Variants in GMFB observed in about 807,000 individuals in gnomAD.
GMFB encodes GMF-beta.
A neutral mutation model predicts 25.6 loss-of-function variants in GMFB; 13 were observed. The ratio of observed to expected loss-of-function variants is 0.51; its 90% CI spans 0.33 to 0.81. The LOEUF (loss-of-function observed/expected upper bound fraction) is 0.81, where lower values mean the gene tolerates loss of function less well. Ranked by LOEUF, GMFB falls within the 30% of genes least tolerant of loss-of-function variation. The probability of loss-of-function intolerance (pLI) is 0.02; values close to 1 mark genes in which losing one functional copy is unlikely to be tolerated. For missense variants in GMFB, 146 were observed against 175.4 expected, an observed-to-expected ratio of 0.83 and a Z score of 0.95; for synonymous variants, 57 against 56.9, an observed-to-expected ratio of 1.00 and a Z score of 0.00.
intron 1 of GMFB, among the ~76,000 whole-genome samples, chr14:54,487,309 A>T (rs2140037118): frequency 6.8e-6 from 1 of 147,176 alleles, no homozygotes; most frequent in East Asian, 2.1e-4. Context: ...AGGCAGGTGG[A>T]TCACGAGGTC....
chr14:54,487,663 A>G (rs2140037468), intron 1 of GMFB, among the ~76,000 whole-genome samples: 1 of 152,338 alleles, frequency 6.6e-6, no homozygotes, highest in Non-Finnish European at 1.5e-5. Flanking sequence ...CAATGGGCCG[A>G]GATCCCGCCA....
intron 1 of GMFB, among the ~76,000 whole-genome samples, chr14:54,486,253 A>C (rs1214052788): frequency 1.3e-5 from 2 of 152,164 alleles, no homozygotes; most frequent in Admixed American, 6.5e-5. Flanking sequence ...CATCTCAAAA[A>C]CAAAAACAAA....
Position 54,488,964 on chromosome 14 carries a change from C to A in GMFB, c.-37G>T. On this transcript the variant is annotated 5_prime_UTR_variant, in exon 1 of 7. Coordinates refer to ENST00000358056, the MANE Select transcript of GMFB (RefSeq NM_004124.3). ...CCGTCAGCGGCCTGTCGCCTACACT[C>A]GGGCGCCTTTAAGAATGGCACGGCG... 5 of 1,549,310 alleles carry A rather than the reference C, an allele frequency of 3.2e-6. No individual in the cohort carries two copies. Among genetic ancestry groups the A allele is most frequent in the Non-Finnish European group, 3.5e-6 (4 of 1,149,348 alleles).
At chr14:54,478,326 A>C in intron 6 of GMFB, 167 bp from the exon 7 acceptor site, 1 of 419,766 alleles carries the variant, frequency 2.4e-6, no homozygotes, top group Non-Finnish European at 4.3e-6. Context: ...TCATGACTTA[A>C]CCTGTGTAAA....
intron 6 of GMFB, 121 bp from the exon 7 acceptor site, chr14:54,478,280 G>A (rs2031667632): frequency 2.2e-6 from 1 of 461,784 alleles, no homozygotes; most frequent in Non-Finnish European, 3.9e-6. Context: ...ATATATTTGA[G>A]TATTAAATAC....
At chr14:54,486,725 CA>C (rs914313010) in intron 1 of GMFB, among the ~76,000 whole-genome samples, 18 of 152,122 alleles carry the variant, frequency 1.2e-4, no homozygotes, top group Non-Finnish European at 2.4e-4. Flanking sequence ...TCTCACGAAA[CA>C]GATACTATTA....
chr14:54,487,324 G>A (rs1272299286), intron 1 of GMFB, among the ~76,000 whole-genome samples: 1 of 150,934 alleles, frequency 6.6e-6, no homozygotes, highest in Non-Finnish European at 1.5e-5. Context: ...GAGGTCAGGA[G>A]ATCGAGACCA....
At chr14:54,479,671 C>T in intron 6 of GMFB, 115 bp downstream of exon 6, 1 of 577,392 alleles carries the variant, frequency 1.7e-6, no homozygotes. Flanking sequence ...ACTTACTAAT[C>T]TGGTCTAAAT....
In GMFB at chr14:54,477,463, A is replaced by G. The variant is rs1272941282; in HGVS notation, c.*625T>C. On this transcript the variant is annotated 3_prime_UTR_variant, in exon 7 of 7. Transcript: ENST00000358056. ...CTAAGACTAAGATGCTATAAGGAGA[A>G]AAGCTAACAGTCATAATTCTATCAT... is the stretch of plus-strand genomic sequence containing the variant. The G allele has an allele frequency of 6.6e-6, 1 of 152,352 alleles. No individual in the cohort carries two copies. Among genetic ancestry groups the G allele is most frequent in the Non-Finnish European group, 1.5e-5 (1 of 67,926 alleles). 9.4% of individuals were successfully genotyped at this position (152,352 alleles called of 1,614,324 possible).
chr14:54,480,210 T>G (rs1193999630), intron 5 of GMFB: 1 of 194,950 alleles, frequency 5.1e-6, no homozygotes, highest in South Asian at 9.6e-5. Context: ...CACAAGGTTT[T>G]GGGATGGTAG....
At position 54,477,167 on chromosome 14, in the gene GMFB, C is replaced by T. The variant is rs73273163; in HGVS notation, c.*921G>A. 215 of 152,488 alleles carry T rather than the reference C, an allele frequency of 1.4e-3. 1 individual carries two copies. The highest frequency in any genetic ancestry group is 4.8e-3 in the African/African-American group (199 of 41,526). 9.4% of individuals were successfully genotyped at this position (152,488 alleles called of 1,614,324 possible). A position where few individuals can be genotyped will look rare whatever the true frequency, so the allele number is the denominator to read the frequency against. On this transcript the variant is annotated 3_prime_UTR_variant, in exon 7 of 7. Transcript: ENST00000358056. Reference sequence around the variant, plus strand: ...TTAAAATATGAAGTTGATTTTATTACAAATTTCAGATATACACATTAGAAA... The same window carrying T: ...TTAAAATATGAAGTTGATTTTATTATAAATTTCAGATATACACATTAGAAA...
chr14:54,483,699 G>T lies in GMFB; in HGVS notation c.72C>A (p.Arg24=), dbSNP rs768266070. ...TAATAGCAGCGTTGTTCGTTTCTTT[G>T]CGAAAACGAAACTTTCTCAGCTTTT... ...LVEKLRKFRF[R]KETNNAAIIM... is the part of the protein sequence containing the mutation. The change falls in exon 2 of 7, where the codon CGC becomes CGA. Residue 24 remains arginine (R), a synonymous_variant. Coordinates refer to ENST00000358056, the MANE Select transcript of GMFB (RefSeq NM_004124.3). 1 of 1,600,978 alleles carries T rather than the reference G, an allele frequency of 6.2e-7. No homozygotes were observed. The highest frequency in any genetic ancestry group is 1.1e-5 in the South Asian group (1 of 90,734).
In GMFB at chr14:54,483,787, C is replaced by G. The variant is rs1293976164; in HGVS notation, c.4-20G>C. 1 of 1,362,080 alleles carries G rather than the reference C, an allele frequency of 7.3e-7. No individual in the cohort carries two copies. The highest frequency in any genetic ancestry group is 2.3e-5 in the East Asian group (1 of 43,784). 84.4% of individuals were successfully genotyped at this position (1,362,080 alleles called of 1,614,324 possible). A position where few individuals can be genotyped will look rare whatever the true frequency, so the allele number is the denominator to read the frequency against. ...CTCACTCTATAAAAGAAAAAAAACACACATAAAATGCCATGACTTCAATAT... is the reference window on the plus strand; with the variant it reads ...CTCACTCTATAAAAGAAAAAAAACAGACATAAAATGCCATGACTTCAATAT... On this transcript the variant is annotated intron_variant, in intron 1 of 6. Coordinates refer to ENST00000358056, the MANE Select transcript of GMFB (RefSeq NM_004124.3).
intron 2 of GMFB, among the ~76,000 whole-genome samples, chr14:54,482,653 C>T (rs191725704): frequency 8.3e-4 from 126 of 152,240 alleles, no homozygotes; most frequent in African/African-American, 2.9e-3. Context: ...TTTCATGGCA[C>T]GGTATCATTA....
chr14:54,486,409 AT>A (rs1440875570), intron 1 of GMFB, among the ~76,000 whole-genome samples: 1 of 152,220 alleles, frequency 6.6e-6, no homozygotes, highest in African/African-American at 2.4e-5. Context: ...CTGGGCAAAG[AT>A]TTTTTTGAGT....
intron 4 of GMFB, chr14:54,481,184 T>C: frequency 1.8e-6 from 1 of 569,034 alleles, no homozygotes; most frequent in Non-Finnish European, 3.1e-6. Flanking sequence ...TTTTCTCAAT[T>C]TTTATTGTAC....
intron 3 of GMFB, 105 bp from the exon 4 acceptor site, chr14:54,481,563 A>G (rs2031711841): frequency 1.4e-6 from 1 of 693,902 alleles, no homozygotes; most frequent in Non-Finnish European, 2.6e-6. Context: ...TTATTACCAC[A>G]TGCTACAAAA....
Position 54,480,936 on chromosome 14 carries a change from T to G in GMFB, c.221A>C (p.Lys74Thr), listed in dbSNP as rs773214575. 9 of 1,510,970 alleles carry G rather than the reference T, an allele frequency of 6.0e-6. No individual in the cohort carries two copies. The South Asian group carries it at 1.0e-4, about 17-fold the overall frequency. 93.6% of individuals were successfully genotyped at this position (1,510,970 alleles called of 1,614,324 possible). A position where few individuals can be genotyped will look rare whatever the true frequency, so the allele number is the denominator to read the frequency against. The change falls in exon 5 of 7, where the codon AAA becomes ACA. Residue 74 changes from lysine (K) to threonine (T), a missense_variant. Lys to Thr is a moderately conservative substitution (Grantham distance 78, BLOSUM62 -1). Transcript: ENST00000358056. ...RQPRFIVYSY[K>T]YQHDDGRVSY... is the part of the protein sequence containing the mutation. ...AACTCTTCCATCATCATGTTGATAT[T>G]TATAACTATACACAATGAAGGTTTT...
intron 6 of GMFB, 112 bp downstream of exon 6, chr14:54,479,674 G>T: frequency 1.7e-6 from 1 of 605,828 alleles, no homozygotes; most frequent in Admixed American, 3.0e-5. Flanking sequence ...TACTAATCTG[G>T]TCTAAATAAC....
Sources: gnomAD v4.1 joint callset for allele counts (sites outside exome capture counted in the v4.1 genomes callset) on GRCh38, gnomAD v4.1.1 for gene constraint, MANE v1.5 for transcripts, NCBI Gene and HGNC (gene_info 2026-07-23, HGNC 2026-07-21) for gene names.